WDHD1: variants seen among roughly 807,000 people sequenced by gnomAD.
WDHD1 encodes the protein WD repeat and HMG-box DNA-binding protein 1.
Under a neutral mutation model 135.4 loss-of-function variants are expected in WDHD1, and 111 were observed. The observed-to-expected ratio is 0.82, with a 90% confidence interval of 0.70 to 0.96. The LOEUF (loss-of-function observed/expected upper bound fraction) is 0.96, where lower values mean the gene tolerates loss of function less well. Among genes scored for constraint, WDHD1 ranks in the 40% least tolerant of loss-of-function variants. The pLI, the probability that WDHD1 is intolerant of heterozygous loss-of-function variation, is 0.00. For synonymous variants in WDHD1, 434 were observed against 439.0 expected (o/e 0.99, Z 0.14); for missense variants, 1,351 against 1,336.3 (o/e 1.01, Z -0.17).
At chr14:54,984,696 T>C in intron 15 of WDHD1, 27 bp downstream of exon 15, 1 of 1,583,808 alleles carries the variant, frequency 6.3e-7, no homozygotes, top group Admixed American at 1.9e-5. Context: ...ATATTATACT[T>C]GTTTTTTTTA....
At chr14:55,011,551 G>A (rs1393356880) in intron 3 of WDHD1, among the ~76,000 whole-genome samples, 147 of 70,366 alleles carry the variant, frequency 2.1e-3, no homozygotes, top group East Asian at 3.0e-3. Context: ...AAAAAAAAAA[G>A]TATCCTGAGC....
At chr14:55,007,044 C>G (rs144460957) in intron 7 of WDHD1, among the ~76,000 whole-genome samples, 1 of 151,596 alleles carries the variant, frequency 6.6e-6, no homozygotes, top group African/African-American at 2.4e-5. Flanking sequence ...CTGGGCAACA[C>G]GATGAAACCT....
intron 2 of WDHD1, among the ~76,000 whole-genome samples, chr14:55,021,935 T>C (rs2042355460): frequency 6.6e-6 from 1 of 152,214 alleles, no homozygotes; most frequent in Non-Finnish European, 1.5e-5. Context: ...ACTTTTAGGA[T>C]GTTCTCTCTA....
intron 23 of WDHD1, among the ~76,000 whole-genome samples, chr14:54,955,895 C>CTTTTTT (rs71131243): frequency 3.6e-5 from 4 of 110,092 alleles, no homozygotes; most frequent in Admixed American, 1.0e-4. Flanking sequence ...CCATGTTTTC[C>CTTTTTT]TTTTTTTTTT....
intron 16 of WDHD1, among the ~76,000 whole-genome samples, chr14:54,967,655 G>T (rs1220013212): frequency 6.6e-6 from 1 of 152,122 alleles, no homozygotes; most frequent in East Asian, 1.9e-4. Context: ...GGGTCTCACT[G>T]TGTTGCCCAG....
chr14:54,943,990 A>C (rs920153680), intron 25 of WDHD1, among the ~76,000 whole-genome samples: 4 of 152,154 alleles, frequency 2.6e-5, no homozygotes, highest in African/African-American at 7.2e-5. Flanking sequence ...TTACATAATA[A>C]TTACTACATA....
chr14:54,941,323 T>G lies in WDHD1; in HGVS notation c.*167A>C. The G allele has an allele frequency of 3.9e-6, 2 of 515,942 alleles. No individual in the cohort carries two copies. The highest frequency in any genetic ancestry group is 6.4e-6 in the Non-Finnish European group (2 of 313,410). 32.0% of individuals were successfully genotyped at this position (515,942 alleles called of 1,614,324 possible). ...CTGCAAAGATGATAGTTTTTACATA[T>G]GTCCTGTTACCTACACCAATATAAT... On this transcript the variant is annotated 3_prime_UTR_variant, in exon 26 of 26. Transcript: ENST00000360586.
At chr14:54,969,368 GA>G (rs1317229644) in intron 16 of WDHD1, among the ~76,000 whole-genome samples, 1 of 149,420 alleles carries the variant, frequency 6.7e-6, no homozygotes, top group Non-Finnish European at 1.5e-5. Context: ...AAGAGAGAGA[GA>G]AAGAGAAAGT....
intron 10 of WDHD1, among the ~76,000 whole-genome samples, chr14:54,996,562 T>C (rs1485799165): frequency 1.3e-5 from 2 of 152,100 alleles, no homozygotes; most frequent in African/African-American, 4.8e-5. Flanking sequence ...ATCTCACCAC[T>C]GCACTCCAGC....
At chr14:55,023,982 G>C (rs966454422) in intron 2 of WDHD1, among the ~76,000 whole-genome samples, 1 of 151,892 alleles carries the variant, frequency 6.6e-6, no homozygotes, top group African/African-American at 2.4e-5. Context: ...GATAAAATAC[G>C]CTAGTATCTA....
intron 15 of WDHD1, 148 bp downstream of exon 15, chr14:54,984,575 C>G: frequency 1.5e-6 from 1 of 681,442 alleles, no homozygotes; most frequent in Admixed American, 4.3e-5. Flanking sequence ...CCCAGTTCTG[C>G]CAACATATTA....
intron 18 of WDHD1, among the ~76,000 whole-genome samples, chr14:54,964,018 G>A (rs193301233): frequency 2.0e-5 from 3 of 152,224 alleles, no homozygotes; most frequent in Non-Finnish European, 4.4e-5. Context: ...TGAGACAGGA[G>A]GTTCACTAGA....
chr14:54,995,894 A>T, intron 10 of WDHD1, 81 bp from the exon 11 acceptor site: 2 of 1,101,606 alleles, frequency 1.8e-6, no homozygotes, highest in Non-Finnish European at 2.5e-6. Flanking sequence ...AACTTTTAAT[A>T]TGCACCTATA....
intron 10 of WDHD1, among the ~76,000 whole-genome samples, chr14:54,996,537 C>T (rs770770896): frequency 6.6e-6 from 1 of 152,100 alleles, no homozygotes; most frequent in Non-Finnish European, 1.5e-5. Flanking sequence ...AAGGTCAGGG[C>T]TGCAGTGAGC....
In WDHD1 at chr14:54,989,065, T is replaced by C. The variant is rs1022922816; in HGVS notation, c.1489A>G (p.Ile497Val). The stretch of plus-strand genomic sequence containing the variant: ...TCAGTGCTTTCACATGCCAACAAAA[T>C]AGCTTCGTGGGAAAGATCTGCTATT... ...YTIADLSHEA[I>V]LLACESTDEL... Residue 497 changes from isoleucine (I) to valine (V), a missense_variant, in exon 13 of 26, where the codon ATT (isoleucine) becomes GTT (valine). By Grantham distance (29) the Ile-to-Val change is conservative. This residue lies in a region of WDHD1 where 1,330 missense variants were observed against 1,296.1 expected (regional missense o/e 1.03). Transcript: ENST00000360586. 11 of 1,612,956 alleles carry C rather than the reference T, an allele frequency of 6.8e-6. No individual in the cohort carries two copies. Among genetic ancestry groups the C allele is most frequent in the South Asian group, 1.1e-5 (1 of 90,918 alleles).
chr14:54,967,256 T>A (rs748120507), intron 17 of WDHD1, 24 bp downstream of exon 17: 69 of 1,556,630 alleles, frequency 4.4e-5, no homozygotes, highest in Non-Finnish European at 5.7e-5. Flanking sequence ...AAATTCAAAG[T>A]GTCAAGGTAA....
At chr14:55,018,053 G>A (rs1352095697) in intron 2 of WDHD1, among the ~76,000 whole-genome samples, 2 of 152,056 alleles carry the variant, frequency 1.3e-5, no homozygotes, top group Non-Finnish European at 2.9e-5. Flanking sequence ...TACTAGCATT[G>A]CAGGACATAC....
At chr14:55,002,384 G>C (rs530782470) in intron 7 of WDHD1, among the ~76,000 whole-genome samples, 199 bp from the exon 8 acceptor site, 1 of 152,128 alleles carries the variant, frequency 6.6e-6, no homozygotes, top group East Asian at 1.9e-4. Flanking sequence ...GATCTTCCTG[G>C]CTCAGCCTCC....
intron 24 of WDHD1, among the ~76,000 whole-genome samples, chr14:54,948,527 T>C (rs2040974632): frequency 6.6e-6 from 1 of 152,202 alleles, no homozygotes; most frequent in Non-Finnish European, 1.5e-5. Flanking sequence ...TGGAGCCCAC[T>C]GAAGCTCAAG....
Sources: gnomAD v4.1 joint callset for allele counts (sites outside exome capture counted in the v4.1 genomes callset) on GRCh38, gnomAD v4.1.1 for gene constraint, gnomAD v4.1.1 regional missense constraint, MANE v1.5 for transcripts, NCBI Gene and HGNC (gene_info 2026-07-23, HGNC 2026-07-21) for gene names.